Variants in CERS3 observed in about 807,000 individuals in gnomAD.
CERS3 encodes the protein LAG1 homolog, ceramide synthase 3.
A neutral mutation model predicts 50.3 loss-of-function variants in CERS3; 33 were observed. The ratio of observed to expected loss-of-function variants is 0.66; its 90% CI spans 0.50 to 0.88. CERS3 has a LOEUF of 0.88. CERS3 is among the 40% of genes least tolerant of loss of function. The probability of loss-of-function intolerance (pLI) is 0.00; values close to 1 mark genes in which losing one functional copy is unlikely to be tolerated. For missense variants in CERS3, 470 were observed against 460.3 expected, an observed-to-expected ratio of 1.02 and a Z score of -0.19; for synonymous variants, 176 against 155.2, an observed-to-expected ratio of 1.13 and a Z score of -0.99.
intron 5 of CERS3, among the ~76,000 whole-genome samples, chr15:100,481,791 G>A (rs2035308207): frequency 6.6e-6 from 1 of 152,154 alleles, no homozygotes. Context: ...CATGTTTCTG[G>A]ACAAATCCTA....
chr15:100,504,697 G>A (rs1185571363), intron 2 of CERS3, among the ~76,000 whole-genome samples: 1 of 152,180 alleles, frequency 6.6e-6, no homozygotes, highest in Non-Finnish European at 1.5e-5. Context: ...ACACAGAAAG[G>A]ACAGGGGTGA....
At chr15:100,496,222 C>A (rs1430819154) in intron 3 of CERS3, among the ~76,000 whole-genome samples, 4 of 152,154 alleles carry the variant, frequency 2.6e-5, no homozygotes, top group African/African-American at 7.2e-5. Flanking sequence ...TGCACAAATT[C>A]TTGTACTCAA....
At position 100,402,731 on chromosome 15, in the gene CERS3, A is replaced by G. The variant is rs1465708027; in HGVS notation, c.1134T>C (p.Asn378=). The part of the protein sequence containing the change: ...GLRAERHLIP[N]GQHGH ...CTTCCAGCTAATGGCCATGCTGGCC[A>G]TTGGGAATGAGGTGCCTCTCAGCCC... Residue 378 remains asparagine (N), a synonymous_variant, in exon 12 of 12, where the codon AAT becomes AAC. Coordinates refer to ENST00000679737, the MANE Select transcript of CERS3 (RefSeq NM_001378789.1). 3.7e-6 allele frequency: 6 copies of G among 1,614,166 alleles called. No homozygotes were observed. The South Asian group carries it at 6.6e-5, about 18-fold the overall frequency.
chr15:100,544,322 C>A (rs2037283906), intron 1 of CERS3: 1 of 152,468 alleles, frequency 6.6e-6, no homozygotes, highest in Admixed American at 6.5e-5. Context: ...CCCCAGGACA[C>A]CATCTGTGCG....
chr15:100,410,138 G>A (rs1596604968), intron 11 of CERS3, among the ~76,000 whole-genome samples: 2 of 152,192 alleles, frequency 1.3e-5, no homozygotes, highest in African/African-American at 4.8e-5. Flanking sequence ...ACTCCACGTT[G>A]GAAGGGGATG....
At chr15:100,542,904 G>C (rs369712458) in intron 1 of CERS3, among the ~76,000 whole-genome samples, 61 of 152,016 alleles carry the variant, frequency 4.0e-4, no homozygotes, top group African/African-American at 1.4e-3. Context: ...TGCCTATTCA[G>C]GTCAAATTTT....
chr15:100,468,466 A>G (rs1183395974), intron 10 of CERS3, among the ~76,000 whole-genome samples: 1 of 152,192 alleles, frequency 6.6e-6, no homozygotes, highest in Non-Finnish European at 1.5e-5. Flanking sequence ...AGGAAAGGGC[A>G]TTGACCTCTC....
chr15:100,506,644 G>A (rs974241493), intron 2 of CERS3, among the ~76,000 whole-genome samples: 6 of 152,186 alleles, frequency 3.9e-5, no homozygotes, highest in African/African-American at 1.4e-4. Context: ...TGCTCAGTAT[G>A]GATGACTCTT....
At chr15:100,449,181 A>T (rs1368265619) in intron 11 of CERS3, among the ~76,000 whole-genome samples, 1 of 151,848 alleles carries the variant, frequency 6.6e-6, no homozygotes, top group Non-Finnish European at 1.5e-5. Flanking sequence ...GTATCTGAGC[A>T]CTCCTCCCAG....
At chr15:100,467,834 C>CGT (rs201942763) in intron 10 of CERS3, among the ~76,000 whole-genome samples, 2,676 of 19,978 alleles carry the variant, frequency 0.13, 117 homozygotes, top group Admixed American at 0.2. Context: ...TATATATATA[C>CGT]GTGTATATAT....
At chr15:100,418,555 C>A (rs935794796) in intron 11 of CERS3, among the ~76,000 whole-genome samples, 1 of 145,402 alleles carries the variant, frequency 6.9e-6, no homozygotes, top group Non-Finnish European at 1.5e-5. Context: ...GGCAGGCCAA[C>A]GTTCAGATTC....
chr15:100,416,693 T>A (rs2031938243), intron 11 of CERS3, among the ~76,000 whole-genome samples: 1 of 152,106 alleles, frequency 6.6e-6, no homozygotes, highest in Admixed American at 6.5e-5. Context: ...GAACTCACTA[T>A]CACGAGAACA....
chr15:100,478,884 C>A (rs187900880), intron 7 of CERS3, among the ~76,000 whole-genome samples: 9 of 152,014 alleles, frequency 5.9e-5, no homozygotes, highest in Non-Finnish European at 1.2e-4. Context: ...GTAACTTGAC[C>A]GATTTACAGA....
At chr15:100,504,292 G>A (rs1378098397) in intron 2 of CERS3, among the ~76,000 whole-genome samples, 2 of 145,692 alleles carry the variant, frequency 1.4e-5, no homozygotes, top group Admixed American at 1.4e-4. Flanking sequence ...TGCCCAGGCT[G>A]GAGTGCAATG....
chr15:100,411,608 T>C (rs776705790), intron 11 of CERS3, among the ~76,000 whole-genome samples: 13 of 152,214 alleles, frequency 8.5e-5, no homozygotes, highest in Non-Finnish European at 1.5e-5. Context: ...AACACAGATA[T>C]TGAAAACAGG....
intron 1 of CERS3, among the ~76,000 whole-genome samples, chr15:100,536,566 T>C (rs1037662861): frequency 6.6e-6 from 1 of 152,216 alleles, no homozygotes; most frequent in South Asian, 2.1e-4. Context: ...ATGACAGGCA[T>C]GAGCCAGCAT....
intron 11 of CERS3, among the ~76,000 whole-genome samples, chr15:100,450,066 A>T (rs2034097888): frequency 7.0e-6 from 1 of 142,588 alleles, no homozygotes; most frequent in East Asian, 2.0e-4. Flanking sequence ...AACCAAACAG[A>T]AATTCTGGAA....
At chr15:100,430,178 G>A (rs1596646174) in intron 11 of CERS3, among the ~76,000 whole-genome samples, 1 of 151,810 alleles carries the variant, frequency 6.6e-6, no homozygotes, top group Non-Finnish European at 1.5e-5. Context: ...CAGTTGTGGT[G>A]GGGGGCGCCT....
chr15:100,405,331 A>G (rs1386379642), intron 11 of CERS3, among the ~76,000 whole-genome samples: 1 of 152,168 alleles, frequency 6.6e-6, no homozygotes. Flanking sequence ...ATGACAAATA[A>G]GCATATGAAA....
Sources: gnomAD v4.1 joint callset for allele counts (sites outside exome capture counted in the v4.1 genomes callset) on GRCh38, gnomAD v4.1.1 for gene constraint, MANE v1.5 for transcripts, NCBI Gene and HGNC (gene_info 2026-07-23, HGNC 2026-07-21) for gene names.